The following DGKB variants were observed in gnomAD, a reference collection of about 807,000 sequenced individuals.
DGKB encodes 90 kDa diacylglycerol kinase.
In DGKB, 67 loss-of-function variants were observed where a neutral mutation model predicts 114.3. The observed-to-expected ratio is 0.59, with a 90% CI of 0.48 to 0.72. The LOEUF is 0.72. DGKB is among the 30% of genes least tolerant of loss of function. The pLI, the probability that DGKB is intolerant of heterozygous loss-of-function variation, is 0.00. For synonymous variants in DGKB, 398 were observed against 323.1 expected (o/e 1.23, Z -2.49); for missense variants, 907 against 975.2 (o/e 0.93, Z 0.93).
At chr7:14,789,822 A>C (rs566148662) in intron 2 of DGKB, among the ~76,000 whole-genome samples, 12 of 152,188 alleles carry the variant, frequency 7.9e-5, no homozygotes, top group African/African-American at 2.6e-4. Context: ...GCATTTGCTG[A>C]GTTATATAGT....
chr7:14,333,037 T>A (rs1810001755), intron 23 of DGKB, among the ~76,000 whole-genome samples: 1 of 152,182 alleles, frequency 6.6e-6, no homozygotes, highest in South Asian at 2.1e-4. Flanking sequence ...TCAAACTTTT[T>A]AAAGCAGTCA....
chr7:14,300,984 T>C (rs1261672895), intron 23 of DGKB, among the ~76,000 whole-genome samples: 1 of 141,720 alleles, frequency 7.1e-6, no homozygotes, highest in Non-Finnish European at 1.6e-5. Context: ...GCAGATTAGA[T>C]TGGATTTTAG....
chr7:14,834,123 A>G (rs114114937), intron 2 of DGKB, among the ~76,000 whole-genome samples: 33 of 152,316 alleles, frequency 2.2e-4, no homozygotes, highest in African/African-American at 7.7e-4. Flanking sequence ...CACAACCTGT[A>G]AACCATCACT....
chr7:14,262,299 T>C (rs28533448), intron 23 of DGKB, among the ~76,000 whole-genome samples: 36,239 of 152,050 alleles, frequency 0.24, 4,627 homozygotes, highest in African/African-American at 0.34. Flanking sequence ...TTAAATGTGA[T>C]AGCATTAAGA....
At chr7:14,858,527 T>C (rs994369) in intron 1 of DGKB, among the ~76,000 whole-genome samples, 63,815 of 151,922 alleles carry the variant, frequency 0.42, 14,263 homozygotes, top group East Asian at 0.64. Context: ...GATATTGCCC[T>C]GTGGAGCAGG....
At chr7:14,271,197 T>A (rs1168815955) in intron 23 of DGKB, among the ~76,000 whole-genome samples, 1 of 152,198 alleles carries the variant, frequency 6.6e-6, no homozygotes, top group Non-Finnish European at 1.5e-5. Context: ...AAATTTAAGT[T>A]CACTTTCCCT....
intron 21 of DGKB, among the ~76,000 whole-genome samples, chr7:14,366,069 A>C (rs747998954): frequency 1.4e-4 from 22 of 152,118 alleles, no homozygotes; most frequent in Non-Finnish European, 2.5e-4. Flanking sequence ...TTCTGACTAT[A>C]GTTGTATTTG....
intron 21 of DGKB, 95 bp from the exon 22 acceptor site, chr7:14,345,486 A>G (rs1291214484): frequency 1.5e-6 from 1 of 648,932 alleles, no homozygotes; most frequent in African/African-American, 1.8e-5. Context: ...TATAATAGAA[A>G]AGGTCTGAGG....
intron 21 of DGKB, among the ~76,000 whole-genome samples, chr7:14,444,602 T>C (rs1164486723): frequency 6.6e-6 from 1 of 151,844 alleles, no homozygotes; most frequent in Non-Finnish European, 1.5e-5. Context: ...TATAAAATAG[T>C]AACAATATAA....
chr7:14,653,579 G>A (rs548795018), intron 13 of DGKB, among the ~76,000 whole-genome samples: 4 of 151,656 alleles, frequency 2.6e-5, no homozygotes, highest in East Asian at 1.9e-4. Flanking sequence ...TGGGTTCAGC[G>A]CACCAGCATG....
At chr7:14,437,631 TAATTTGCATCTTGAA>T (rs1271929317) in intron 21 of DGKB, among the ~76,000 whole-genome samples, 1 of 151,988 alleles carries the variant, frequency 6.6e-6, no homozygotes, top group Non-Finnish European at 1.5e-5. Flanking sequence ...ATAATTGTGT[TAATTTGCATCTTGAA>T]AGGGAATCTT....
At chr7:14,591,437 G>A (rs1801691221) in intron 17 of DGKB, among the ~76,000 whole-genome samples, 1 of 151,900 alleles carries the variant, frequency 6.6e-6, no homozygotes, top group Non-Finnish European at 1.5e-5. Flanking sequence ...TCCAATGTTG[G>A]CCTTTATAGC....
At chr7:14,291,946 G>A (rs1801836942) in intron 23 of DGKB, among the ~76,000 whole-genome samples, 1 of 152,022 alleles carries the variant, frequency 6.6e-6, no homozygotes. Context: ...GGTAACTTCT[G>A]GAAGCTGTTA....
chr7:14,622,449 A>G (rs1807833358), intron 14 of DGKB, among the ~76,000 whole-genome samples: 1 of 152,112 alleles, frequency 6.6e-6, no homozygotes, highest in Non-Finnish European at 1.5e-5. Context: ...TAAATGTATA[A>G]TTCTTGTTCT....
At chr7:14,213,808 C>CCTCT (rs1461754419) in intron 23 of DGKB, among the ~76,000 whole-genome samples, 2 of 152,104 alleles carry the variant, frequency 1.3e-5, no homozygotes, top group Non-Finnish European at 2.9e-5. Flanking sequence ...TACAGTTTAC[C>CCTCT]CTCTCATCAT....
chr7:14,747,454 C>T (rs1385369137), intron 4 of DGKB, among the ~76,000 whole-genome samples: 3 of 151,882 alleles, frequency 2.0e-5, no homozygotes, highest in Non-Finnish European at 4.4e-5. Context: ...CTTTTCTTCT[C>T]TTGTTAGTAA....
intron 1 of DGKB, among the ~76,000 whole-genome samples, chr7:14,934,907 A>G (rs1170783838): frequency 6.6e-6 from 1 of 152,210 alleles, no homozygotes; most frequent in East Asian, 1.9e-4. Flanking sequence ...GTAAACCCAC[A>G]TAACTGAATT....
intron 15 of DGKB, among the ~76,000 whole-genome samples, chr7:14,613,904 A>G (rs1806053172): frequency 6.6e-6 from 1 of 152,142 alleles, no homozygotes; most frequent in East Asian, 1.9e-4. Context: ...AAACTCAATA[A>G]GATCCTTTGA....
At chr7:14,696,926 A>G (rs1824037502) in intron 8 of DGKB, among the ~76,000 whole-genome samples, 1 of 152,218 alleles carries the variant, frequency 6.6e-6, no homozygotes, top group Admixed American at 6.5e-5. Context: ...CCTGTTGTTT[A>G]CCGCATAGAT....
Sources: gnomAD v4.1 joint callset for allele counts (sites outside exome capture counted in the v4.1 genomes callset) on GRCh38, gnomAD v4.1.1 for gene constraint, MANE v1.5 for transcripts, NCBI Gene and HGNC (gene_info 2026-07-23, HGNC 2026-07-21) for gene names.